Variants in PCDHA2 observed in about 807,000 individuals in gnomAD.
PCDHA2 encodes protocadherin alpha-2.
PCDHA2 carries 58 observed loss-of-function variants against 66.0 expected under a neutral mutation model. The observed-to-expected ratio is 0.88, with a 90% CI of 0.71 to 1.09. PCDHA2 has a LOEUF of 1.09. PCDHA2 is among the 50% of genes least tolerant of loss of function. The pLI, the probability that PCDHA2 is intolerant of heterozygous loss-of-function variation, is 0.00. For synonymous variants in PCDHA2, 634 were observed against 554.0 expected, an observed-to-expected ratio of 1.14 and a Z score of -2.03; for missense variants, 1,267 against 1,242.3, an observed-to-expected ratio of 1.02 and a Z score of -0.30.
At chr5:140,967,109 C>T in intron 1 of PCDHA2, 1 of 1,612,966 alleles carries the variant, frequency 6.2e-7, no homozygotes, top group Non-Finnish European at 8.5e-7. Flanking sequence ...TGAGCAGCGG[C>T]CTCGCTGCCT....
intron 1 of PCDHA2, chr5:140,876,262 C>A (rs1554168436): frequency 6.2e-7 from 1 of 1,614,012 alleles, no homozygotes. Context: ...AGTGATCCAA[C>A]TAAATGCTTC....
At chr5:140,926,519 C>T (rs2083298131) in intron 1 of PCDHA2, 1 of 204,364 alleles carries the variant, frequency 4.9e-6, no homozygotes, top group Non-Finnish European at 9.7e-6. Flanking sequence ...AGGCTCCGCC[C>T]TGCGCCCGCA....
chr5:141,010,105 G>A lies in PCDHA2; in HGVS notation c.*168G>A. 6.2e-7 allele frequency: 1 copy of A among 1,612,150 alleles called. No homozygotes were observed. Among genetic ancestry groups the A allele is most frequent in the African/African-American group, 1.3e-5 (1 of 74,962 alleles). The stretch of plus-strand genomic sequence containing the variant: ...GTCTAGAACGCATTTAACAGGTTTT[G>A]TCGTAAAAGCTTTACTAAGTCTGGT... On this transcript the variant is annotated 3_prime_UTR_variant, in exon 4 of 4. Transcript: ENST00000526136.
At chr5:140,830,165 G>T (rs781932240) in intron 1 of PCDHA2, 1 of 1,613,446 alleles carries the variant, frequency 6.2e-7, no homozygotes, top group Non-Finnish European at 8.5e-7. Flanking sequence ...CCCAGAGGCG[G>T]CGCTGGTGGA....
At chr5:140,992,078 G>A (rs1179366244) in intron 3 of PCDHA2, among the ~76,000 whole-genome samples, 1 of 151,596 alleles carries the variant, frequency 6.6e-6, no homozygotes, top group African/African-American at 2.4e-5. Context: ...TAGAGAATGA[G>A]CTAGAGTAGA....
intron 1 of PCDHA2, among the ~76,000 whole-genome samples, chr5:140,886,751 G>A (rs1156754601): frequency 2.0e-5 from 3 of 151,312 alleles, no homozygotes; most frequent in African/African-American, 7.3e-5. Context: ...GCTTGAACCC[G>A]GGAGGTGGAG....
intron 1 of PCDHA2, among the ~76,000 whole-genome samples, chr5:140,949,466 G>A (rs2094383684): frequency 6.6e-6 from 1 of 151,662 alleles, no homozygotes; most frequent in Non-Finnish European, 1.5e-5. Flanking sequence ...TTGAAGCCCT[G>A]TTATTAGGCA....
chr5:140,813,626 G>A (rs2126648112), intron 1 of PCDHA2: 21 of 152,262 alleles, frequency 1.4e-4, no homozygotes, highest in African/African-American at 5.1e-4. Context: ...GAATGTGAAG[G>A]CCCAGGACAT....
chr5:140,835,505 G>A (rs2150237079), intron 1 of PCDHA2: 1 of 1,613,954 alleles, frequency 6.2e-7, no homozygotes, highest in Admixed American at 1.7e-5. Flanking sequence ...TGATTAGCGT[G>A]TTTGACCGAG....
intron 1 of PCDHA2, chr5:140,860,578 G>T (rs1420299092): frequency 1.3e-5 from 2 of 152,134 alleles, no homozygotes; most frequent in Non-Finnish European, 2.9e-5. Flanking sequence ...ACACAAGAAG[G>T]TATAGGAAAG....
At chr5:140,900,032 A>G (rs1439772684) in intron 1 of PCDHA2, among the ~76,000 whole-genome samples, 1 of 151,930 alleles carries the variant, frequency 6.6e-6, no homozygotes, top group Non-Finnish European at 1.5e-5. Context: ...TTGGCCTTGA[A>G]TTCCTGGGCT....
chr5:140,807,931 G>A, intron 1 of PCDHA2: 1 of 1,614,052 alleles, frequency 6.2e-7, no homozygotes, highest in Non-Finnish European at 8.5e-7. Context: ...CCATTTATAA[G>A]GTGAGATTAC....
At chr5:140,821,907 T>A in intron 1 of PCDHA2, 1 of 1,614,212 alleles carries the variant, frequency 6.2e-7, no homozygotes, top group Non-Finnish European at 8.5e-7. Flanking sequence ...GAACCTTCGT[T>A]GGCCGCATCG....
chr5:140,884,160 T>G lies in PCDHA2; in HGVS notation c.2388+86808T>G. 2 of 1,613,366 alleles carry G rather than the reference T, an allele frequency of 1.2e-6. No homozygotes were observed. The highest frequency in any genetic ancestry group is 1.7e-6 in the Non-Finnish European group (2 of 1,179,734). Reference sequence around the variant, plus strand: ...CGCGTGGGGCTGTACACTGGCGAGATCAGCACGACGCGCCCTCTGGACGAG... The same window carrying G: ...CGCGTGGGGCTGTACACTGGCGAGAGCAGCACGACGCGCCCTCTGGACGAG... On this transcript the variant is annotated intron_variant, in intron 1 of 3. Coordinates refer to ENST00000526136, the MANE Select transcript of PCDHA2 (RefSeq NM_018905.3).
chr5:140,877,634 T>C, intron 1 of PCDHA2: 1 of 1,613,738 alleles, frequency 6.2e-7, no homozygotes, highest in Non-Finnish European at 8.5e-7. Context: ...TACACTGCGC[T>C]GCGTTGCTCA....
intron 1 of PCDHA2, among the ~76,000 whole-genome samples, chr5:140,969,759 T>C (rs576118722): frequency 1.3e-5 from 2 of 152,338 alleles, no homozygotes; most frequent in African/African-American, 4.8e-5. Flanking sequence ...CTTAAAAAGC[T>C]CTGAGGCCTC....
At chr5:140,850,178 T>G in intron 1 of PCDHA2, 1 of 1,593,294 alleles carries the variant, frequency 6.3e-7, no homozygotes, top group Non-Finnish European at 8.6e-7. Flanking sequence ...AGAACGACAA[T>G]GCGCCGGCGC....
intron 1 of PCDHA2, chr5:140,821,749 A>G: frequency 1.3e-6 from 2 of 1,571,782 alleles, no homozygotes; most frequent in South Asian, 2.4e-5. Flanking sequence ...GATGCAATAG[A>G]AAGCTCATAA....
intron 1 of PCDHA2, chr5:140,856,279 T>A (rs1554148476): frequency 1.3e-6 from 2 of 1,598,260 alleles, no homozygotes; most frequent in East Asian, 2.2e-5. Flanking sequence ...TGGAGGTAAA[T>A]CTGCAGAATG....
Sources: allele counts gnomAD v4.1 joint callset (sites outside exome capture counted in the v4.1 genomes callset), GRCh38; gene constraint gnomAD v4.1.1; transcripts MANE v1.5; gene names NCBI Gene and HGNC (gene_info 2026-07-23, HGNC 2026-07-21).